SMPD1: variants seen among roughly 807,000 people sequenced by gnomAD.
SMPD1 encodes the protein sphingomyelin phosphodiesterase.
Under a neutral mutation model 49.7 loss-of-function variants are expected in SMPD1, and 47 were observed. The ratio of observed to expected loss-of-function variants is 0.95; its 90% CI spans 0.75 to 1.21. The LOEUF (loss-of-function observed/expected upper bound fraction) is 1.21. SMPD1 is among the 50% of genes most tolerant of loss of function. The pLI, the probability that SMPD1 is intolerant of heterozygous loss-of-function variation, is 0.00. For synonymous variants in SMPD1, 336 were observed against 339.6 expected (o/e 0.99, Z 0.12); for missense variants, 811 against 822.2 (o/e 0.99, Z 0.17).
At chr11:6,392,473 C>T (rs1479876239) in intron 2 of SMPD1, among the ~76,000 whole-genome samples, 1 of 142,114 alleles carries the variant, frequency 7.0e-6, no homozygotes, top group Non-Finnish European at 1.5e-5. Context: ...TCAGCTACTG[C>T]TCCTGGCCCT....
rs751332494 is a variant in SMPD1, at chr11:6,390,555, G to C, written c.-44G>C. ...GAGGGCTGGCTAGGGTCCAGGCCGG[G>C]GGGGACGGGACAGACGAACCAGCCC... On this transcript the variant is annotated 5_prime_UTR_variant, in exon 1 of 6. Transcript: ENST00000342245. 9.4e-6 allele frequency: 15 copies of C among 1,596,346 alleles called. No homozygotes were observed. The South Asian group carries it at 1.1e-4, about 12-fold the overall frequency.
rs2134009009 is a variant in SMPD1, at chr11:6,391,470, C to T, written c.405C>T (p.Ser135=). ...TAGCACCACCTGCCGTGTGCCAATCCATTGTCCACCTCTTTGAGGATGACA... is the reference window on the plus strand; with the variant it reads ...TAGCACCACCTGCCGTGTGCCAATCTATTGTCCACCTCTTTGAGGATGACA... ...LKIAPPAVCQ[S]IVHLFEDDMV... is the part of the protein sequence containing the mutation. The change falls in exon 2 of 6, where the codon TCC becomes TCT. Residue 135 remains serine (S), a synonymous_variant. Transcript: ENST00000342245. 2 of 1,613,972 alleles carry T rather than the reference C, an allele frequency of 1.2e-6. No homozygotes were observed. The highest frequency in any genetic ancestry group is 1.7e-6 in the Non-Finnish European group (2 of 1,180,028).
rs1188024144 is a variant in SMPD1 at position 6,391,874 on chromosome 11, G to C, written c.809G>C (p.Gly270Ala). Residue 270 changes from glycine to alanine, a missense_variant, in exon 2 of 6, where the codon GGC becomes GCC. Coordinates refer to ENST00000342245, the MANE Select transcript of SMPD1 (RefSeq NM_000543.5). ...ESLLSGLGPA[G>A]PFDMVYWTGD... ...CTGTTGAGTGGGCTGGGCCCAGCCGGCCCTTTTGATATGGTGTACTGGACA... is the reference window on the plus strand; with the variant it reads ...CTGTTGAGTGGGCTGGGCCCAGCCGCCCCTTTTGATATGGTGTACTGGACA... The C allele has an allele frequency of 6.2e-7, 1 of 1,614,096 alleles. No individual in the cohort carries two copies. Among genetic ancestry groups the C allele is most frequent in the South Asian group, 1.1e-5 (1 of 91,088 alleles).
intron 2 of SMPD1, 133 bp downstream of exon 2, chr11:6,392,289 C>T: frequency 2.4e-6 from 2 of 847,442 alleles, no homozygotes; most frequent in Non-Finnish European, 3.9e-6. Flanking sequence ...CTCCCCTAAT[C>T]TGACTCCTCC....
chr11:6,392,384 G>C (rs1365250132), intron 2 of SMPD1, among the ~76,000 whole-genome samples: 1 of 94,272 alleles, frequency 1.1e-5, no homozygotes, highest in Non-Finnish European at 2.0e-5. Context: ...ATCTTGCTAT[G>C]TTGCCCAGGC....
rs746370637 is a variant in SMPD1, at chr11:6,391,674, C to T, written c.609C>T (p.Ile203=). 6.3e-7 allele frequency: 1 copy of T among 1,590,186 alleles called. No homozygotes were observed. The highest frequency in any genetic ancestry group is 8.6e-7 in the Non-Finnish European group (1 of 1,166,920). The change falls in exon 2 of 6, where the codon ATC becomes ATT. Residue 203 remains isoleucine, a synonymous_variant. Coordinates refer to ENST00000342245, the MANE Select transcript of SMPD1 (RefSeq NM_000543.5). Reference sequence around the variant, plus strand: ...CCCCAGGTGCCCCTGTCAGCCGCATCCTCTTCCTCACTGACCTGCACTGGG... The same window carrying T: ...CCCCAGGTGCCCCTGTCAGCCGCATTCTCTTCCTCACTGACCTGCACTGGG... The part of the protein sequence containing the change: ...PPAPGAPVSR[I]LFLTDLHWDH...
chr11:6,392,124 C>T lies in SMPD1; in HGVS notation c.1059C>T (p.Pro353=). Reference sequence around the variant, plus strand: ...AAGCGATGGCCAAGGCTTGGGAGCCCTGGCTGCCTGCCGAAGCCCTGCGCA... The same window carrying T: ...AAGCGATGGCCAAGGCTTGGGAGCCTTGGCTGCCTGCCGAAGCCCTGCGCA... The part of the protein sequence containing the change: ...LYEAMAKAWE[P]WLPAEALRTL... Residue 353 remains proline, a synonymous_variant, in exon 2 of 6, where the codon CCC becomes CCT. Coordinates refer to ENST00000342245, the MANE Select transcript of SMPD1 (RefSeq NM_000543.5). 6.2e-7 allele frequency: 1 copy of T among 1,614,130 alleles called. No individual in the cohort carries two copies. Among genetic ancestry groups the T allele is most frequent in the Non-Finnish European group, 8.5e-7 (1 of 1,180,016 alleles).
At position 6,393,482 on chromosome 11, in the gene SMPD1, G is replaced by A. The variant is rs1178658656; in HGVS notation, c.1263+95G>A. ...TGGGCACAGAAGTTTTATTTTCCTG[G>A]CATTCCCAACAAGTGTTCCCTGGGG... On this transcript the variant is annotated intron_variant, in intron 3 of 5. Coordinates refer to ENST00000342245, the MANE Select transcript of SMPD1 (RefSeq NM_000543.5). 28 of 1,460,586 alleles carry A rather than the reference G, an allele frequency of 1.9e-5. No individual in the cohort carries two copies. The South Asian group carries it at 2.9e-4, about 15-fold the overall frequency. The allele number at this position is 1,460,586 out of a possible 1,614,324, so 90.5% of individuals were successfully genotyped here.
Position 6,393,382 on chromosome 11 carries a change from G to C in SMPD1, c.1258G>C (p.Asp420His). Residue 420 changes from aspartate (D) to histidine (H), a missense_variant, in exon 3 of 6, where the codon GAC becomes CAC. Asp to His is a moderately conservative substitution (Grantham distance 81). Coordinates refer to ENST00000342245, the MANE Select transcript of SMPD1 (RefSeq NM_000543.5). ...GELQAAEDRG[D>H]KVHIIGHIPP... ...GCTTCAGGCTGCTGAGGATCGAGGA[G>C]ACAAAGTGAGGGCCAGTAGTGGGAA... is the stretch of plus-strand genomic sequence containing the variant. The C allele has an allele frequency of 6.2e-7, 1 of 1,612,424 alleles. No homozygotes were observed. Among genetic ancestry groups the C allele is most frequent in the Non-Finnish European group, 8.5e-7 (1 of 1,178,862 alleles).
At chr11:6,393,717 A>G (rs1317424207) in intron 4 of SMPD1, 24 bp downstream of exon 4, 1 of 1,600,924 alleles carries the variant, frequency 6.2e-7, no homozygotes, top group African/African-American at 1.3e-5. Context: ...GAGGGTGGGA[A>G]TAGGGACAGG....
In SMPD1 at chr11:6,390,771, C is replaced by T. The variant is rs1376828785; in HGVS notation, c.173C>T (p.Pro58Leu). 1.2e-6 allele frequency: 2 copies of T among 1,613,958 alleles called. No individual in the cohort carries two copies. The highest frequency in any genetic ancestry group is 1.7e-5 in the Admixed American group (1 of 60,004). Residue 58 changes from proline (P) to leucine (L), a missense_variant, in exon 1 of 6, where the codon CCG becomes CTG. Coordinates refer to ENST00000342245, the MANE Select transcript of SMPD1 (RefSeq NM_000543.5). ...ALSDSRVLWA[P>L]AEAHPLSPQG... ...TCTGACTCTCGGGTTCTCTGGGCTC[C>T]GGCAGAGGCTCACCCTCTTTCTCCC...
At position 6,392,055 on chromosome 11, in the gene SMPD1, TC is replaced by T. The variant is rs387906289; in HGVS notation, c.996del (p.Phe333SerfsTer52). On this transcript the variant is annotated frameshift_variant, in exon 2 of 6. Coordinates refer to ENST00000342245, the MANE Select transcript of SMPD1 (RefSeq NM_000543.5). LOFTEE classifies it high-confidence loss of function. ...HESTPVNSFP[P>X]PFIEGNHSSR... ...AAAGCACACCTGTCAATAGCTTCCC[TC>T]CCCCCTTCATTGAGGGCAACCACTC... 68 of 1,613,606 alleles carry T rather than the reference TC, an allele frequency of 4.2e-5. No homozygotes were observed. The highest frequency in any genetic ancestry group is 7.6e-6 in the Non-Finnish European group (9 of 1,179,936).
At chr11:6,393,552 T>A in intron 3 of SMPD1, 65 bp from the exon 4 acceptor site, 1 of 1,440,016 alleles carries the variant, frequency 6.9e-7, no homozygotes, top group Admixed American at 1.7e-5. Context: ...CAGTCCCCCT[T>A]TCTCTAGCCA....
chr11:6,391,185 A>G (rs571440184), intron 1 of SMPD1, among the ~76,000 whole-genome samples, 199 bp from the exon 2 acceptor site: 1 of 152,332 alleles, frequency 6.6e-6, no homozygotes, highest in South Asian at 2.1e-4. Flanking sequence ...CAGGCCGCTG[A>G]GCTAAAGAAG....
intron 2 of SMPD1, 74 bp from the exon 3 acceptor site, chr11:6,393,142 C>A: frequency 7.6e-7 from 1 of 1,313,610 alleles, no homozygotes; most frequent in Non-Finnish European, 1.1e-6. Flanking sequence ...TGCTTTTACC[C>A]TCCACCCAAA....
rs1847846493 is a variant in SMPD1, at chr11:6,390,479, G to C, written c.-120G>C. 1.3e-6 allele frequency: 2 copies of C among 1,517,664 alleles called. No homozygotes were observed. The highest frequency in any genetic ancestry group is 1.4e-5 in the African/African-American group (1 of 72,514). 94.0% of individuals were successfully genotyped at this position (1,517,664 alleles called of 1,614,324 possible). A position where few individuals can be genotyped will look rare whatever the true frequency, so the allele number is the denominator to read the frequency against. ...TTTGCGGCCGGCCGCGGAGCAGTCA[G>C]CCGACTACAGAGAAGGGTAATCGGG... is the stretch of plus-strand genomic sequence containing the variant. On this transcript the variant is annotated 5_prime_UTR_variant, in exon 1 of 6. Transcript: ENST00000342245.
chr11:6,394,562 C>T lies in SMPD1; in HGVS notation c.1851C>T (p.Ser617=). The T allele has an allele frequency of 6.2e-7, 1 of 1,606,924 alleles. No individual in the cohort carries two copies. Among genetic ancestry groups the T allele is most frequent in the Non-Finnish European group, 8.5e-7 (1 of 1,179,970 alleles). Reference sequence around the variant, plus strand: ...GCCGCCACCTGATGCCAGATGGGAGCCTCCCAGAGGCCCAGAGCCTGTGGC... The same window carrying T: ...GCCGCCACCTGATGCCAGATGGGAGTCTCCCAGAGGCCCAGAGCCTGTGGC... The part of the protein sequence containing the change: ...ALCRHLMPDG[S]LPEAQSLWPR... The change falls in exon 6 of 6, where the codon AGC becomes AGT. Residue 617 remains serine, a synonymous_variant. Coordinates refer to ENST00000342245, the MANE Select transcript of SMPD1 (RefSeq NM_000543.5).
chr11:6,394,085 G>A, intron 5 of SMPD1, 44 bp downstream of exon 5: 2 of 1,614,022 alleles, frequency 1.2e-6, no homozygotes, highest in Non-Finnish European at 1.7e-6. Context: ...GGAGTTGGTG[G>A]GATAGGGGAA....
In SMPD1 at chr11:6,392,163, AT is replaced by A. The variant is rs1475406727; in HGVS notation, c.1091+8del. ...AAGCCCTGCGCACCCTCAGGTACTT[AT>A]CGTCCGTGGAAACCCAGGAAGGGAA... On this transcript the variant is annotated splice_region_variant and intron_variant, in intron 2 of 5. Coordinates refer to ENST00000342245, the MANE Select transcript of SMPD1 (RefSeq NM_000543.5). The A allele has an allele frequency of 6.2e-7, 1 of 1,614,080 alleles. No individual in the cohort carries two copies. Among genetic ancestry groups the A allele is most frequent in the East Asian group, 2.2e-5 (1 of 44,888 alleles).
Sources: allele counts gnomAD v4.1 joint callset (sites outside exome capture counted in the v4.1 genomes callset), GRCh38; gene constraint gnomAD v4.1.1; transcripts MANE v1.5; gene names NCBI Gene and HGNC (gene_info 2026-07-23, HGNC 2026-07-21).